The following DENND1B variants were observed in gnomAD, a reference collection of about 807,000 sequenced individuals.
DENND1B encodes the protein DENN domain-containing protein 1B.
In DENND1B, 59 loss-of-function variants were observed where a neutral mutation model predicts 90.1. The ratio of observed to expected loss-of-function variants is 0.65; its 90% CI spans 0.53 to 0.81. The LOEUF is 0.81. DENND1B is among the 40% of genes least tolerant of loss of function. DENND1B has a pLI of 0.00. For missense variants in DENND1B, 862 were observed against 912.6 expected, an observed-to-expected ratio of 0.94 and a Z score of 0.71; for synonymous variants, 337 against 324.6, an observed-to-expected ratio of 1.04 and a Z score of -0.41.
intron 6 of DENND1B, among the ~76,000 whole-genome samples, chr1:197,655,876 A>C (rs1354834936): frequency 6.6e-6 from 1 of 152,046 alleles, no homozygotes; most frequent in East Asian, 1.9e-4. Flanking sequence ...ACAATTAGTG[A>C]GTGGTCTGTA....
At chr1:197,770,723 T>A (rs1272499790) in intron 2 of DENND1B, among the ~76,000 whole-genome samples, 1 of 140,966 alleles carries the variant, frequency 7.1e-6, no homozygotes, top group African/African-American at 2.6e-5. Context: ...AATATATATC[T>A]ATAAATATAT....
rs564374359 is a variant in DENND1B, at chr1:197,635,102, C to A, written c.672+7609G>T. On this transcript the variant is annotated intron_variant, in intron 10 of 22. Coordinates refer to ENST00000620048, the MANE Select transcript of DENND1B (RefSeq NM_001195215.2). ...ACTTCAAGGTTTACAAAGAAACTTT[C>A]ATTATTTAAAGAGACAAATGTCAAA... 2.6e-5 allele frequency among the ~76,000 whole-genome samples: 4 copies of A among 152,268 alleles called. No homozygotes were observed. The East Asian group carries it at 7.7e-4, about 29-fold the overall frequency.
chr1:197,697,654 T>C (rs1315162732), intron 3 of DENND1B, among the ~76,000 whole-genome samples: 2 of 151,848 alleles, frequency 1.3e-5, no homozygotes, highest in Non-Finnish European at 2.9e-5. Flanking sequence ...GACCCACTGG[T>C]GTGCTATATT....
At chr1:197,551,284 G>A (rs993404291) in intron 16 of DENND1B, among the ~76,000 whole-genome samples, 2 of 151,960 alleles carry the variant, frequency 1.3e-5, no homozygotes, top group Non-Finnish European at 1.5e-5. Flanking sequence ...ATGCTTGACA[G>A]GCACAAATTT....
intron 14 of DENND1B, among the ~76,000 whole-genome samples, chr1:197,593,048 T>C (rs1342647329): frequency 2.0e-5 from 3 of 151,914 alleles, no homozygotes; most frequent in African/African-American, 7.2e-5. Context: ...TTTTGGTTGA[T>C]ATTAAAAAAA....
At chr1:197,583,941 C>CA (rs1164385699) in intron 14 of DENND1B, among the ~76,000 whole-genome samples, 1 of 152,116 alleles carries the variant, frequency 6.6e-6, no homozygotes, top group African/African-American at 2.4e-5. Context: ...CACCCACTGG[C>CA]TAATTCCTAC....
intron 13 of DENND1B, among the ~76,000 whole-genome samples, chr1:197,601,987 G>GAT (rs1315885949): frequency 6.6e-6 from 1 of 151,522 alleles, no homozygotes; most frequent in Admixed American, 6.6e-5. Context: ...CTATTTAAAA[G>GAT]AATAGCTGAG....
intron 3 of DENND1B, among the ~76,000 whole-genome samples, chr1:197,708,005 T>C (rs1659780093): frequency 6.6e-6 from 1 of 151,494 alleles, no homozygotes; most frequent in Non-Finnish European, 1.5e-5. Flanking sequence ...CACCCGAATA[T>C]TGCGCTTTTC....
At chr1:197,579,861 T>C (rs1434032580) in intron 15 of DENND1B, among the ~76,000 whole-genome samples, 1 of 152,188 alleles carries the variant, frequency 6.6e-6, no homozygotes, top group Non-Finnish European at 1.5e-5. Flanking sequence ...GTTTATTTGC[T>C]ACCTTTTTGA....
At chr1:197,536,314 T>A (rs1221631855) in intron 20 of DENND1B, among the ~76,000 whole-genome samples, 2 of 152,194 alleles carry the variant, frequency 1.3e-5, no homozygotes, top group African/African-American at 4.8e-5. Flanking sequence ...AATGCCTATA[T>A]CCTTATAATA....
At chr1:197,583,869 C>T (rs1674463781) in intron 14 of DENND1B, among the ~76,000 whole-genome samples, 1 of 152,184 alleles carries the variant, frequency 6.6e-6, no homozygotes, top group African/African-American at 2.4e-5. Flanking sequence ...GGACTTAAAT[C>T]TCAAGTCCTA....
chr1:197,779,056 C>T (rs1340261559), upstream of DENND1B, among the ~76,000 whole-genome samples: 1 of 152,210 alleles, frequency 6.6e-6, no homozygotes, highest in Non-Finnish European at 1.5e-5. Flanking sequence ...TAGATTTACT[C>T]AGAACTTTAC....
intron 3 of DENND1B, 72 bp from the exon 4 acceptor site, chr1:197,674,241 G>T: frequency 8.8e-7 from 1 of 1,134,420 alleles, no homozygotes; most frequent in South Asian, 1.4e-5. Context: ...AAACTTCTTT[G>T]AGACATTTTC....
At chr1:197,628,414 A>T (rs1413117044) in intron 10 of DENND1B, among the ~76,000 whole-genome samples, 2 of 152,194 alleles carry the variant, frequency 1.3e-5, no homozygotes, top group African/African-American at 4.8e-5. Context: ...TGACAAAAAC[A>T]AGCAATGGGG....
chr1:197,535,313 G>A (rs928957955), intron 20 of DENND1B, among the ~76,000 whole-genome samples: 5 of 152,034 alleles, frequency 3.3e-5, no homozygotes, highest in Non-Finnish European at 7.4e-5. Context: ...ATAGCATTAT[G>A]GCAGTTCCCC....
upstream of DENND1B, among the ~76,000 whole-genome samples, chr1:197,779,907 A>T: frequency 6.6e-6 from 1 of 151,736 alleles, no homozygotes; most frequent in East Asian, 1.9e-4. Context: ...TATGTATGTG[A>T]TTTCTTTTTA....
At chr1:197,755,047 C>T (rs897521402) in intron 2 of DENND1B, among the ~76,000 whole-genome samples, 1 of 152,130 alleles carries the variant, frequency 6.6e-6, no homozygotes, top group African/African-American at 2.4e-5. Context: ...CTTCCAATTT[C>T]TCCTAGCAAA....
In DENND1B at chr1:197,583,647, C is replaced by T. The variant is rs555300588; in HGVS notation, c.1048-394G>A. On this transcript the variant is annotated intron_variant, in intron 14 of 22. Transcript: ENST00000620048. ...AAACTGCTGCATGATATTTGACATT[C>T]GCACTTAGTTGTTATGATCATTAAT... is the stretch of plus-strand genomic sequence containing the variant. 7.2e-5 allele frequency among the ~76,000 whole-genome samples: 11 copies of T among 152,254 alleles called. No individual in the cohort carries two copies. In the East Asian group the frequency reaches 1.9e-3, roughly 27 times the overall value.
chr1:197,597,713 C>A (rs1675832254), intron 13 of DENND1B, among the ~76,000 whole-genome samples: 1 of 151,754 alleles, frequency 6.6e-6, no homozygotes, highest in Non-Finnish European at 1.5e-5. Context: ...AATATGCAGC[C>A]TTCACTTCCA....
Sources: allele counts gnomAD v4.1 joint callset (sites outside exome capture counted in the v4.1 genomes callset), GRCh38; gene constraint gnomAD v4.1.1; transcripts MANE v1.5; gene names NCBI Gene and HGNC (gene_info 2026-07-23, HGNC 2026-07-21).